The following KIDINS220 variants were observed in gnomAD, a reference collection of about 807,000 sequenced individuals.
KIDINS220 encodes the protein kinase D interacting substrate 220.
In KIDINS220, 63 loss-of-function variants were observed where a neutral mutation model predicts 157.6. That is an observed-to-expected ratio of 0.40 (90% CI 0.33 to 0.49). The LOEUF (loss-of-function observed/expected upper bound fraction) is 0.49, where lower values mean the gene tolerates loss of function less well. Ranked by LOEUF, KIDINS220 falls within the 20% of genes least tolerant of loss-of-function variation. The pLI is 0.66. For synonymous variants in KIDINS220, 732 were observed against 783.6 expected (o/e 0.93, Z 1.10); for missense variants, 1,772 against 2,171.2 (o/e 0.82, Z 3.65).
chr2:8,732,219 T>C (rs1558304036), intron 29 of KIDINS220, among the ~76,000 whole-genome samples: 1 of 152,226 alleles, frequency 6.6e-6, no homozygotes, highest in Non-Finnish European at 1.5e-5. Flanking sequence ...TTTAAAAGTA[T>C]GATTAAACAC....
chr2:8,835,477 C>T (rs557477335), intron 1 of KIDINS220, among the ~76,000 whole-genome samples: 1 of 151,948 alleles, frequency 6.6e-6, no homozygotes, highest in Admixed American at 6.6e-5. Flanking sequence ...ATGGGTCACA[C>T]ATAAAATGAT....
intron 10 of KIDINS220, 51 bp from the exon 11 acceptor site, chr2:8,796,920 T>C (rs780377385): frequency 7.9e-7 from 1 of 1,273,604 alleles, no homozygotes; most frequent in Non-Finnish European, 1.2e-6. Context: ...GACTCCTGTG[T>C]TTATGTCATA....
At chr2:8,741,675 C>A (rs1295760887) in intron 26 of KIDINS220, among the ~76,000 whole-genome samples, 1 of 152,154 alleles carries the variant, frequency 6.6e-6, no homozygotes, top group African/African-American at 2.4e-5. Flanking sequence ...TAACTGTACT[C>A]TAGGATTTCA....
chr2:8,725,132 G>A (rs1198677416), downstream of KIDINS220: 1 of 152,100 alleles, frequency 6.6e-6, no homozygotes, highest in East Asian at 1.9e-4. Context: ...GGTAAAAGGA[G>A]AAAAACATAC....
chr2:8,827,369 C>T (rs1572831751), intron 1 of KIDINS220, among the ~76,000 whole-genome samples: 1 of 152,074 alleles, frequency 6.6e-6, no homozygotes, highest in Admixed American at 6.6e-5. Context: ...ATCCCCAAAC[C>T]CTCCTCATCA....
rs1372968683 is a variant in KIDINS220, at chr2:8,796,780, A to G, written c.1089T>C (p.Ala363=). ...CGCACAGATGTTTTACCTTATCTAC[A>G]GCAGACACTTTAGCACCTTTATCTA... ...LLLDKGAKVS[A]VDKKGDTPLH... Residue 363 remains alanine, a synonymous_variant, in exon 11 of 30, where the codon GCT becomes GCC. Transcript: ENST00000256707. 1 of 1,613,208 alleles carries G rather than the reference A, an allele frequency of 6.2e-7. No individual in the cohort carries two copies. The highest frequency in any genetic ancestry group is 1.3e-5 in the African/African-American group (1 of 74,908).
At chr2:8,805,802 C>T (rs1417818269) in intron 7 of KIDINS220, among the ~76,000 whole-genome samples, 1 of 152,204 alleles carries the variant, frequency 6.6e-6, no homozygotes, top group Non-Finnish European at 1.5e-5. Flanking sequence ...TGTCTCCCAA[C>T]TGCCTGCAGT....
chr2:8,765,660 T>C (rs146979672), intron 22 of KIDINS220, among the ~76,000 whole-genome samples: 6 of 152,304 alleles, frequency 3.9e-5, no homozygotes, highest in South Asian at 2.1e-4. Flanking sequence ...CTAGCTCACA[T>C]AGAAAATGCC....
chr2:8,769,412 T>A (rs943096231), intron 22 of KIDINS220, among the ~76,000 whole-genome samples: 8 of 152,198 alleles, frequency 5.3e-5, no homozygotes, highest in African/African-American at 1.9e-4. Context: ...TCTTAAGACA[T>A]CACTCCACAG....
At chr2:8,773,086 A>C (rs1421445211) in intron 21 of KIDINS220, among the ~76,000 whole-genome samples, 2 of 152,370 alleles carry the variant, frequency 1.3e-5, no homozygotes, top group East Asian at 3.9e-4. Flanking sequence ...ATTTTTCAAC[A>C]TAGCACTTTT....
At chr2:8,767,083 C>T (rs1231608210) in intron 22 of KIDINS220, among the ~76,000 whole-genome samples, 1 of 152,142 alleles carries the variant, frequency 6.6e-6, no homozygotes, top group East Asian at 1.9e-4. Flanking sequence ...ATAGATGACA[C>T]AATCTTTATT....
rs554699095 is a variant in KIDINS220 at position 8,786,673 on chromosome 2, C to G, written c.1788-316G>C. ...AGTATCAAGACACCCCAACAGATCT[C>G]ACGACATAGTGGTTAAAAGGTGACA... On this transcript the variant is annotated intron_variant, in intron 15 of 29. Transcript: ENST00000256707. Among the ~76,000 whole-genome samples, 62 of 152,250 alleles carry G rather than the reference C, an allele frequency of 4.1e-4. 3 individuals carry two copies. In the South Asian group the frequency reaches 0.012, roughly 30 times the overall value.
chr2:8,804,964 G>A (rs1675232716), intron 7 of KIDINS220, among the ~76,000 whole-genome samples: 1 of 152,180 alleles, frequency 6.6e-6, no homozygotes, highest in Non-Finnish European at 1.5e-5. Context: ...GAAAGCTCAG[G>A]TTGTCTGACT....
chr2:8,786,484 A>G (rs2148249685), intron 15 of KIDINS220, 127 bp from the exon 16 acceptor site: 1 of 791,290 alleles, frequency 1.3e-6, no homozygotes, highest in Non-Finnish European at 2.0e-6. Context: ...TGTTTTTTAA[A>G]TTCCAAGGAG....
At chr2:8,813,416 T>C in intron 4 of KIDINS220, 81 bp from the exon 5 acceptor site, 2 of 946,280 alleles carry the variant, frequency 2.1e-6, no homozygotes, top group Non-Finnish European at 3.3e-6. Context: ...GAAATTTCTT[T>C]AGTAAATATC....
intron 22 of KIDINS220, among the ~76,000 whole-genome samples, chr2:8,769,235 C>T (rs893467608): frequency 6.6e-6 from 1 of 152,146 alleles, no homozygotes; most frequent in Non-Finnish European, 1.5e-5. Flanking sequence ...CTAAGTGACT[C>T]GACCTCCTTA....
chr2:8,813,516 C>A (rs538671486), intron 4 of KIDINS220, among the ~76,000 whole-genome samples, 181 bp from the exon 5 acceptor site: 6 of 152,346 alleles, frequency 3.9e-5, no homozygotes, highest in Admixed American at 2.0e-4. Flanking sequence ...TAAGTCAAAT[C>A]TCTTGCATCC....
Position 8,803,125 on chromosome 2 carries a change from AT to A in KIDINS220, c.605del (p.Asn202IlefsTer3). ...MGADVDQEGA[N>X]SMTALIVAVK... is the part of the protein sequence containing the mutation. ...CTGCCACAATAAGTGCAGTCATTGAATTCTAAAAACAACAACAACAAAAACA... is the reference window on the plus strand; with the variant it reads ...CTGCCACAATAAGTGCAGTCATTGAATCTAAAAACAACAACAACAAAAACA... On this transcript the variant is annotated frameshift_variant and splice_region_variant, in exon 8 of 30. Coordinates refer to ENST00000256707, the MANE Select transcript of KIDINS220 (RefSeq NM_020738.4). LOFTEE classifies it high-confidence loss of function. The A allele has an allele frequency of 6.2e-7, 1 of 1,605,102 alleles. No individual in the cohort carries two copies. The highest frequency in any genetic ancestry group is 8.5e-7 in the Non-Finnish European group (1 of 1,177,842).
rs897095545 is a variant in KIDINS220, at chr2:8,796,821, C to T, written c.1048G>A (p.Val350Met). 2 of 1,614,228 alleles carry T rather than the reference C, an allele frequency of 1.2e-6. No homozygotes were observed. The highest frequency in any genetic ancestry group is 1.7e-6 in the Non-Finnish European group (2 of 1,180,044). ...CCTTTATCTAGCAGCAGCTCCACCA[C>T]TTCAATGTTTCTCATCTTGGTAGCC... ...IKATKMRNIE[V>M]VELLLDKGAK... The change falls in exon 11 of 30, where the codon GTG (valine) becomes ATG (methionine). Residue 350 changes from valine to methionine, a missense_variant. Val to Met is a conservative substitution (Grantham distance 21). Transcript: ENST00000256707.
Sources: gnomAD v4.1 joint callset for allele counts (sites outside exome capture counted in the v4.1 genomes callset) on GRCh38, gnomAD v4.1.1 for gene constraint, MANE v1.5 for transcripts, NCBI Gene and HGNC (gene_info 2026-07-23, HGNC 2026-07-21) for gene names.